NRXN1: variants seen among roughly 807,000 people sequenced by gnomAD.
The protein encoded by NRXN1 is neurexin-1.
NRXN1 carries 39 observed loss-of-function variants against 150.9 expected under a neutral mutation model. The observed-to-expected ratio is 0.26, with a 90% CI of 0.20 to 0.34. The LOEUF (loss-of-function observed/expected upper bound fraction) is 0.34. NRXN1 is among the 10% of genes least tolerant of loss of function. NRXN1 has a pLI of 1.00. For synonymous variants in NRXN1, 924 were observed against 757.0 expected, an observed-to-expected ratio of 1.22 and a Z score of -3.62; for missense variants, 1,815 against 1,949.9, an observed-to-expected ratio of 0.93 and a Z score of 1.30.
intron 2 of NRXN1, among the ~76,000 whole-genome samples, chr2:50,964,823 C>T (rs929913583): frequency 2.6e-5 from 4 of 151,378 alleles, no homozygotes; most frequent in Admixed American, 2.0e-4. Context: ...TCCATTAAGT[C>T]ATTTAAGAAA....
At chr2:51,020,155 A>G (rs1032034071) in intron 2 of NRXN1, among the ~76,000 whole-genome samples, 4 of 151,794 alleles carry the variant, frequency 2.6e-5, no homozygotes, top group Admixed American at 2.6e-4. Flanking sequence ...ACCACCACCC[A>G]TATCATGCCC....
At chr2:50,705,875 G>C (rs1012557939) in intron 5 of NRXN1, among the ~76,000 whole-genome samples, 2 of 152,138 alleles carry the variant, frequency 1.3e-5, no homozygotes, top group Non-Finnish European at 2.9e-5. Context: ...GACAGGAATA[G>C]TGGTAATAAA....
chr2:50,415,228 T>C (rs965523682), intron 17 of NRXN1, among the ~76,000 whole-genome samples: 1 of 152,146 alleles, frequency 6.6e-6, no homozygotes, highest in African/African-American at 2.4e-5. Context: ...GTAGTTCACA[T>C]TAAATACATT....
chr2:50,844,201 A>G (rs556251202), intron 5 of NRXN1, among the ~76,000 whole-genome samples: 15 of 152,260 alleles, frequency 9.9e-5, no homozygotes, highest in African/African-American at 3.4e-4. Context: ...CTCCTAGCAC[A>G]TAAGTCCTTC....
At chr2:50,038,040 G>A (rs926829357) in intron 21 of NRXN1, among the ~76,000 whole-genome samples, 3 of 152,060 alleles carry the variant, frequency 2.0e-5, no homozygotes, top group African/African-American at 7.2e-5. Flanking sequence ...AAAGAGGGTC[G>A]ATGAATGAAA....
At chr2:50,593,165 T>C (rs993053911) in intron 8 of NRXN1, among the ~76,000 whole-genome samples, 1 of 152,226 alleles carries the variant, frequency 6.6e-6, no homozygotes, top group African/African-American at 2.4e-5. Context: ...GTGAAACTTA[T>C]AAACTTAAGC....
chr2:50,292,105 G>A (rs1277133976), intron 17 of NRXN1, among the ~76,000 whole-genome samples: 2 of 152,158 alleles, frequency 1.3e-5, no homozygotes, highest in Non-Finnish European at 2.9e-5. Flanking sequence ...AAACCAAGGT[G>A]CTTGGCCAAA....
At chr2:50,630,813 T>G (rs2104395439) in intron 5 of NRXN1, among the ~76,000 whole-genome samples, 1 of 151,886 alleles carries the variant, frequency 6.6e-6, no homozygotes. Context: ...CTGCTTCATT[T>G]ATTTTTCTAT....
chr2:50,974,600 A>G lies in NRXN1; in HGVS notation c.773-48645T>C, dbSNP rs781551525. ...AGATACCCAAGATTTCCTGTTCTGA[A>G]CAAGTCAGCTCTTTATATTTGTGGC... On this transcript the variant is annotated intron_variant, in intron 2 of 22. Transcript: ENST00000401669. Among the ~76,000 whole-genome samples, 23 of 152,132 alleles carry G rather than the reference A, an allele frequency of 1.5e-4. 1 individual carries two copies. Among genetic ancestry groups the G allele is most frequent in the Admixed American group, 1.4e-3 (21 of 15,236 alleles).
chr2:50,720,515 A>G (rs568651641), intron 5 of NRXN1, among the ~76,000 whole-genome samples: 55 of 152,330 alleles, frequency 3.6e-4, no homozygotes, highest in Non-Finnish European at 6.9e-4. Flanking sequence ...TAGCTAGGAA[A>G]AAAATGCAGT....
chr2:50,871,584 G>T (rs1303270770), intron 5 of NRXN1, among the ~76,000 whole-genome samples: 6 of 151,864 alleles, frequency 4.0e-5, no homozygotes, highest in African/African-American at 1.2e-4. Context: ...GTTAGATCTA[G>T]ATATGTTTAA....
chr2:50,067,316 C>T (rs954401234), intron 19 of NRXN1, among the ~76,000 whole-genome samples: 1 of 152,162 alleles, frequency 6.6e-6, no homozygotes, highest in Non-Finnish European at 1.5e-5. Flanking sequence ...TTTGTACAAG[C>T]ACTTGTTCCC....
intron 5 of NRXN1, among the ~76,000 whole-genome samples, chr2:50,824,521 C>T (rs1031548288): frequency 5.3e-5 from 8 of 152,066 alleles, no homozygotes; most frequent in African/African-American, 1.9e-4. Flanking sequence ...TTTTAAAACT[C>T]TAGTATGTAT....
At chr2:50,952,254 C>T (rs1483626683) in intron 2 of NRXN1, among the ~76,000 whole-genome samples, 1 of 151,826 alleles carries the variant, frequency 6.6e-6, no homozygotes, top group East Asian at 1.9e-4. Flanking sequence ...GCGTGAGCCA[C>T]GAATAAATAT....
At position 49,947,514 on chromosome 2, in the gene NRXN1, CTT is replaced by C. The variant is rs199991365; in HGVS notation, c.4129-3725_4129-3724del. On this transcript the variant is annotated intron_variant, in intron 21 of 22. Transcript: ENST00000401669. ...CTCCTTTTTTCTTTCTTTTTTTTTT[CTT>C]TTTTTTTTTTTTTTTGTAGAGATAA... 9.7e-3 allele frequency among the ~76,000 whole-genome samples: 1,058 copies of C among 108,888 alleles called. 4 individuals are homozygous for C. Among genetic ancestry groups the C allele is most frequent in the African/African-American group, 0.034 (1,007 of 29,976 alleles). The allele number at this position is 108,888 out of a possible 152,430, so 71.4% of individuals were successfully genotyped here.
At chr2:50,288,454 T>C (rs962956923) in intron 17 of NRXN1, among the ~76,000 whole-genome samples, 3 of 152,042 alleles carry the variant, frequency 2.0e-5, no homozygotes, top group Non-Finnish European at 1.5e-5. Context: ...TAAAGGGAGA[T>C]AAAAATGAAG....
chr2:50,920,543 TTACTC>T (rs548728607), intron 5 of NRXN1, among the ~76,000 whole-genome samples: 33 of 151,890 alleles, frequency 2.2e-4, no homozygotes, highest in African/African-American at 7.5e-4. Flanking sequence ...TACATATACT[TTACTC>T]AGCCAGTAAG....
chr2:50,470,131 G>C (rs536825621), intron 16 of NRXN1, among the ~76,000 whole-genome samples: 4 of 151,614 alleles, frequency 2.6e-5, no homozygotes, highest in African/African-American at 7.2e-5. Context: ...TTGTAGAAAG[G>C]CCTATTTTTA....
intron 17 of NRXN1, among the ~76,000 whole-genome samples, chr2:50,352,840 G>T (rs1270978656): frequency 1.3e-5 from 2 of 150,582 alleles, no homozygotes. Flanking sequence ...GAGATTTACT[G>T]CAATCTTTTT....
Sources: gnomAD v4.1 joint callset for allele counts (sites outside exome capture counted in the v4.1 genomes callset) on GRCh38, gnomAD v4.1.1 for gene constraint, MANE v1.5 for transcripts, NCBI Gene and HGNC (gene_info 2026-07-23, HGNC 2026-07-21) for gene names.